The following IMP3 variants were observed in gnomAD, a reference collection of about 807,000 sequenced individuals.
The protein encoded by IMP3 is IMP U3 small nucleolar ribonucleoprotein 3, also known as U3 small nucleolar ribonucleoprotein IMP3.
A neutral mutation model predicts 10.2 loss-of-function variants in IMP3; 17 were observed. The ratio of observed to expected loss-of-function variants is 1.67; its 90% CI spans 1.14 to 2.50. IMP3 has a LOEUF of 2.50. Ranked by LOEUF, IMP3 falls within the 30% of genes most tolerant of loss-of-function variation. The pLI, the probability that IMP3 is intolerant of heterozygous loss-of-function variation, is 0.00. For missense variants in IMP3, 290 were observed against 260.2 expected (o/e 1.11, Z -0.79); for synonymous variants, 167 against 120.1 (o/e 1.39, Z -2.55).
At position 75,639,814 on chromosome 15, in the gene IMP3, G is replaced by A. The variant is rs772669601; in HGVS notation, c.355C>T (p.Arg119Cys). The change falls in exon 1 of 1, where the codon CGC becomes TGC. Residue 119 changes from arginine to cysteine, a missense_variant. Coordinates refer to ENST00000403490, the MANE Select transcript of IMP3 (RefSeq NM_018285.4). ...GCAGCCTGAAGGTGCTGCGCCATGC[G>A]CAGCTTGAGGAGCACGGTGGGGAGG... Reference protein sequence around the residue: ...RRLPTVLLKLRMAQHLQAAVA... With the variant: ...RRLPTVLLKLCMAQHLQAAVA... The A allele has an allele frequency of 6.2e-7, 1 of 1,611,070 alleles. No homozygotes were observed. The highest frequency in any genetic ancestry group is 8.5e-7 in the Non-Finnish European group (1 of 1,179,068).
Position 75,639,313 on chromosome 15 carries a change from T to G in IMP3, c.*301A>C, listed in dbSNP as rs1893388407. 1 of 385,040 alleles carries G rather than the reference T, an allele frequency of 2.6e-6. No individual in the cohort carries two copies. Among genetic ancestry groups the G allele is most frequent in the Admixed American group, 4.4e-5 (1 of 22,488 alleles). The allele number at this position is 385,040 out of a possible 1,614,324, so 23.9% of individuals were successfully genotyped here. A position where few individuals can be genotyped will look rare whatever the true frequency, so the allele number is the denominator to read the frequency against. On this transcript the variant is annotated 3_prime_UTR_variant, in exon 1 of 1. Transcript: ENST00000403490. ...GGGCGTGGGGATTTCCAGTTTTTCCTTTTACATTACAAAGTTTCCAACACA... is the reference window on the plus strand; with the variant it reads ...GGGCGTGGGGATTTCCAGTTTTTCCGTTTACATTACAAAGTTTCCAACACA...
chr15:75,639,566 C>T lies in IMP3; in HGVS notation c.*48G>A, dbSNP rs768043485. The T allele has an allele frequency of 7.7e-6, 12 of 1,549,536 alleles. No homozygotes were observed. On this transcript the variant is annotated 3_prime_UTR_variant, in exon 1 of 1. Transcript: ENST00000403490. ...CCTCATAGAATCTCCAGCATCAGGC[C>T]TCAGTTTTCCCATCTGTAAAAGACA... is the stretch of plus-strand genomic sequence containing the variant.
rs1893399643 is a variant in IMP3, at chr15:75,639,856, A to T, written c.313T>A (p.Ser105Thr). Residue 105 changes from serine (S) to threonine (T), a missense_variant, in exon 1 of 1, where the codon TCC (serine) becomes ACC (threonine). By Grantham distance (58) the Ser-to-Thr change is moderately conservative (BLOSUM62 1). Coordinates refer to ENST00000403490, the MANE Select transcript of IMP3 (RefSeq NM_018285.4). ...LELCDFVTAS[S>T]FCRRRLPTVL... is the part of the protein sequence containing the mutation. ...GTGGGGAGGCGGCGGCGGCAGAAGG[A>T]CGAGGCCGTGACGAAGTCGCAGAGC... The T allele has an allele frequency of 6.2e-7, 1 of 1,611,430 alleles. No homozygotes were observed. Among genetic ancestry groups the T allele is most frequent in the African/African-American group, 1.3e-5 (1 of 74,924 alleles).
At position 75,639,875 on chromosome 15, in the gene IMP3, G is replaced by A. The variant is rs1180727748; in HGVS notation, c.294C>T (p.Cys98=). The change falls in exon 1 of 1, where the codon TGC becomes TGT. Residue 98 remains cysteine (C), a synonymous_variant. Coordinates refer to ENST00000403490, the MANE Select transcript of IMP3 (RefSeq NM_018285.4). ...LVPTRGSLEL[C]DFVTASSFCR... ...AGAAGGACGAGGCCGTGACGAAGTC[G>A]CAGAGCTCCAGCGAACCGCGCGTGG... 1.9e-6 allele frequency: 3 copies of A among 1,611,416 alleles called. No individual in the cohort carries two copies. Among genetic ancestry groups the A allele is most frequent in the South Asian group, 1.1e-5 (1 of 90,988 alleles).
rs772656545 is a variant in IMP3, at chr15:75,639,915, G to A, written c.254C>T (p.Ala85Val). The change falls in exon 1 of 1, where the codon GCT becomes GTT. Residue 85 changes from alanine to valine, a missense_variant. Transcript: ENST00000403490. ...ASAALLDKLY[A>V]LGLVPTRGSL... ...ACCGCGCGTGGGCACCAAGCCGAGA[G>A]CATACAGCTTGTCCAGCAGCGCGGC... The A allele has an allele frequency of 1.2e-6, 2 of 1,610,626 alleles. No homozygotes were observed. The highest frequency in any genetic ancestry group is 1.7e-5 in the Admixed American group (1 of 59,612).
In IMP3 at chr15:75,639,661, C is replaced by A. The variant is rs762451717; in HGVS notation, c.508G>T (p.Val170Leu). ...TCGCGCTCCTCATTGTACTCTAGCA[C>A]GTGCCGCTTGATCTTGGACGAGTCC... is the stretch of plus-strand genomic sequence containing the variant. ...WVDSSKIKRH[V>L]LEYNEERDDF... is the part of the protein sequence containing the mutation. The change falls in exon 1 of 1, where the codon GTG becomes TTG. Residue 170 changes from valine (V) to leucine (L), a missense_variant. Val to Leu is a conservative substitution (Grantham distance 32). Coordinates refer to ENST00000403490, the MANE Select transcript of IMP3 (RefSeq NM_018285.4). 6.2e-7 allele frequency: 1 copy of A among 1,613,832 alleles called. No homozygotes were observed. Among genetic ancestry groups the A allele is most frequent in the Non-Finnish European group, 8.5e-7 (1 of 1,180,042 alleles).
rs1893391844 is a variant in IMP3 at position 75,639,537 on chromosome 15, G to C, written c.*77C>G. 7.5e-7 allele frequency: 1 copy of C among 1,338,618 alleles called. No homozygotes were observed. The highest frequency in any genetic ancestry group is 1.1e-6 in the Non-Finnish European group (1 of 937,274). The allele number at this position is 1,338,618 out of a possible 1,614,324, so 82.9% of individuals were successfully genotyped here. A position where few individuals can be genotyped will look rare whatever the true frequency, so the allele number is the denominator to read the frequency against. On this transcript the variant is annotated 3_prime_UTR_variant, in exon 1 of 1. Coordinates refer to ENST00000403490, the MANE Select transcript of IMP3 (RefSeq NM_018285.4). ...CGACCGTCTGATACCCTTGAGGAGA[G>C]CACCCTCATAGAATCTCCAGCATCA... is the stretch of plus-strand genomic sequence containing the variant.
At position 75,639,899 on chromosome 15, in the gene IMP3, G is replaced by T. The variant is rs768255460; in HGVS notation, c.270C>A (p.Pro90=). 1 of 1,610,742 alleles carries T rather than the reference G, an allele frequency of 6.2e-7. No individual in the cohort carries two copies. The highest frequency in any genetic ancestry group is 1.1e-5 in the South Asian group (1 of 90,944). The change falls in exon 1 of 1, where the codon CCC becomes CCA. Residue 90 remains proline, a synonymous_variant. Coordinates refer to ENST00000403490, the MANE Select transcript of IMP3 (RefSeq NM_018285.4). The stretch of plus-strand genomic sequence containing the variant: ...CGCAGAGCTCCAGCGAACCGCGCGT[G>T]GGCACCAAGCCGAGAGCATACAGCT... ...LDKLYALGLV[P]TRGSLELCDF...
Position 75,639,526 on chromosome 15 carries a change from C to T in IMP3, c.*88G>A. The stretch of plus-strand genomic sequence containing the variant: ...TTAAGAACCTACGACCGTCTGATAC[C>T]CTTGAGGAGAGCACCCTCATAGAAT... On this transcript the variant is annotated 3_prime_UTR_variant, in exon 1 of 1. Transcript: ENST00000403490. 2 of 1,239,092 alleles carry T rather than the reference C, an allele frequency of 1.6e-6. No homozygotes were observed. Among genetic ancestry groups the T allele is most frequent in the Admixed American group, 1.8e-5 (1 of 56,586 alleles). 76.8% of individuals were successfully genotyped at this position (1,239,092 alleles called of 1,614,324 possible). A position where few individuals can be genotyped will look rare whatever the true frequency, so the allele number is the denominator to read the frequency against.
In IMP3 at chr15:75,639,645, T is replaced by C; in HGVS notation, c.524A>G (p.Glu175Gly). ...TTCCAGATCGAAGTCATCGCGCTCC[T>C]CATTGTACTCTAGCACGTGCCGCTT... Reference protein sequence around the residue: ...KIKRHVLEYNEERDDFDLEA With the variant: ...KIKRHVLEYNGERDDFDLEA The change falls in exon 1 of 1, where the codon GAG becomes GGG. Residue 175 changes from glutamate (E) to glycine (G), a missense_variant. Coordinates refer to ENST00000403490, the MANE Select transcript of IMP3 (RefSeq NM_018285.4). The C allele has an allele frequency of 6.2e-7, 1 of 1,613,898 alleles. No homozygotes were observed.
chr15:75,639,717 G>T lies in IMP3; in HGVS notation c.452C>A (p.Thr151Lys), dbSNP rs780951310. The change falls in exon 1 of 1, where the codon ACG becomes AAG. Residue 151 changes from threonine to lysine, a missense_variant. Thr to Lys is a moderately conservative substitution (Grantham distance 78). Transcript: ENST00000403490. ...AGTGACAAAGTCCTCCATGCTGCGC[G>T]TGACAAGGAAGGCGGGGTCGGTAAC... Reference protein sequence around the residue: ...DVVTDPAFLVTRSMEDFVTWV... With the variant: ...DVVTDPAFLVKRSMEDFVTWV... 16 of 1,613,754 alleles carry T rather than the reference G, an allele frequency of 9.9e-6. No individual in the cohort carries two copies. The African/African-American group carries it at 1.1e-4, about 11-fold the overall frequency.
In IMP3 at chr15:75,639,419, C is replaced by T; in HGVS notation, c.*195G>A. ...CACAGTCAATTAATAATCAGTAGTC[C>T]AAGTTCTAAGAACATTCCCTGGAAA... On this transcript the variant is annotated 3_prime_UTR_variant, in exon 1 of 1. Transcript: ENST00000403490. 2 of 595,782 alleles carry T rather than the reference C, an allele frequency of 3.4e-6. No individual in the cohort carries two copies. Among genetic ancestry groups the T allele is most frequent in the Admixed American group, 3.1e-5 (1 of 32,128 alleles). 36.9% of individuals were successfully genotyped at this position (595,782 alleles called of 1,614,324 possible).
In IMP3 at chr15:75,639,500, C is replaced by G. The variant is rs887449965; in HGVS notation, c.*114G>C. On this transcript the variant is annotated 3_prime_UTR_variant, in exon 1 of 1. Transcript: ENST00000403490. ...TGGCCTGCCACTGATGAATCAAATT[C>G]TTAAGAACCTACGACCGTCTGATAC... 2 of 919,052 alleles carry G rather than the reference C, an allele frequency of 2.2e-6. No individual in the cohort carries two copies. The highest frequency in any genetic ancestry group is 4.9e-5 in the Admixed American group (2 of 41,016). 56.9% of individuals were successfully genotyped at this position (919,052 alleles called of 1,614,324 possible).
chr15:75,640,223 G>T lies in IMP3; in HGVS notation c.-55C>A, dbSNP rs541103405. 5.9e-5 allele frequency: 87 copies of T among 1,464,980 alleles called. 1 individual carries two copies. In the East Asian group the frequency reaches 2.2e-3, roughly 36 times the overall value. The allele number at this position is 1,464,980 out of a possible 1,614,324, so 90.7% of individuals were successfully genotyped here. ...AAGCTGAGAGCGCGTTCTGGCATCC[G>T]CGCGATTTCCGCCGCGGCGCCCCAA... On this transcript the variant is annotated 5_prime_UTR_variant, in exon 1 of 1. Coordinates refer to ENST00000403490, the MANE Select transcript of IMP3 (RefSeq NM_018285.4).
In IMP3 at chr15:75,640,208, C is replaced by G. The variant is rs1457654197; in HGVS notation, c.-40G>C. The G allele has an allele frequency of 5.4e-6, 8 of 1,478,810 alleles. No individual in the cohort carries two copies. Among genetic ancestry groups the G allele is most frequent in the African/African-American group, 2.9e-5 (2 of 70,024 alleles). 91.6% of individuals were successfully genotyped at this position (1,478,810 alleles called of 1,614,324 possible). ...CAGCCGCAGGACCCGAAGCTGAGAG[C>G]GCGTTCTGGCATCCGCGCGATTTCC... On this transcript the variant is annotated 5_prime_UTR_variant, in exon 1 of 1. Coordinates refer to ENST00000403490, the MANE Select transcript of IMP3 (RefSeq NM_018285.4).
Position 75,640,056 on chromosome 15 carries a change from C to T in IMP3, c.113G>A (p.Arg38Gln), listed in dbSNP as rs1214323078. 2 of 1,608,388 alleles carry T rather than the reference C, an allele frequency of 1.2e-6. No homozygotes were observed. Among genetic ancestry groups the T allele is most frequent in the East Asian group, 2.2e-5 (1 of 44,618 alleles). Reference protein sequence around the residue: ...LHELRVLRRYRLQRREDYTRY... With the variant: ...LHELRVLRRYQLQRREDYTRY... The stretch of plus-strand genomic sequence containing the variant: ...CGTGTAGTCCTCCCGCCGCTGCAGC[C>T]GGTAACGCCGCAGCACGCGCAGCTC... Residue 38 changes from arginine (R) to glutamine (Q), a missense_variant, in exon 1 of 1, where the codon CGG (arginine) becomes CAG (glutamine). Physicochemically the swap from Arg to Gln is conservative, Grantham distance 43. Coordinates refer to ENST00000403490, the MANE Select transcript of IMP3 (RefSeq NM_018285.4).
In IMP3 at chr15:75,639,466, C is replaced by T; in HGVS notation, c.*148G>A. 1.5e-6 allele frequency: 1 copy of T among 656,766 alleles called. No homozygotes were observed. The highest frequency in any genetic ancestry group is 1.9e-5 in the South Asian group (1 of 52,478). 40.7% of individuals were successfully genotyped at this position (656,766 alleles called of 1,614,324 possible). A position where few individuals can be genotyped will look rare whatever the true frequency, so the allele number is the denominator to read the frequency against. ...GAAAACAAGGACGCACCTCCCGTGG[C>T]TCTATGCATGGCCTGCCACTGATGA... On this transcript the variant is annotated 3_prime_UTR_variant, in exon 1 of 1. Transcript: ENST00000403490.
rs1240557639 is a variant in IMP3, at chr15:75,640,050, T to A, written c.119A>T (p.Gln40Leu). ...GTAGCGCGTGTAGTCCTCCCGCCGCTGCAGCCGGTAACGCCGCAGCACGCG... is the reference window on the plus strand; with the variant it reads ...GTAGCGCGTGTAGTCCTCCCGCCGCAGCAGCCGGTAACGCCGCAGCACGCG... ...ELRVLRRYRLQRREDYTRYNQ... is the reference protein window; with the variant it reads ...ELRVLRRYRLLRREDYTRYNQ... Residue 40 changes from glutamine to leucine, a missense_variant, in exon 1 of 1, where the codon CAG (glutamine) becomes CTG (leucine). By Grantham distance (113) the Gln-to-Leu change is moderately radical. Coordinates refer to ENST00000403490, the MANE Select transcript of IMP3 (RefSeq NM_018285.4). 2 of 1,607,486 alleles carry A rather than the reference T, an allele frequency of 1.2e-6. No homozygotes were observed. Among genetic ancestry groups the A allele is most frequent in the African/African-American group, 2.7e-5 (2 of 74,748 alleles).
At position 75,639,697 on chromosome 15, in the gene IMP3, C is replaced by CA. The variant is rs1198732613; in HGVS notation, c.471dup (p.Val158CysfsTer18). 1.2e-6 allele frequency: 2 copies of CA among 1,613,918 alleles called. No homozygotes were observed. Among genetic ancestry groups the CA allele is most frequent in the African/African-American group, 2.7e-5 (2 of 75,070 alleles). ...ATCTTGGACGAGTCCACCCAAGTGA[C>CA]AAAGTCCTCCATGCTGCGCGTGACA... is the stretch of plus-strand genomic sequence containing the variant. On this transcript the variant is annotated frameshift_variant, in exon 1 of 1. Coordinates refer to ENST00000403490, the MANE Select transcript of IMP3 (RefSeq NM_018285.4). LOFTEE classifies it high-confidence loss of function.
Sources: allele counts gnomAD v4.1 joint callset, GRCh38; gene constraint gnomAD v4.1.1; transcripts MANE v1.5; gene names NCBI Gene and HGNC (gene_info 2026-07-23, HGNC 2026-07-21).